TLN2: variants seen among roughly 807,000 people sequenced by gnomAD.
The protein encoded by TLN2 is talin 2.
In TLN2, 118 loss-of-function variants were observed where a neutral mutation model predicts 294.7. That is an observed-to-expected ratio of 0.40 (90% CI 0.34 to 0.47). TLN2 has a LOEUF of 0.47. TLN2 is among the 20% of genes least tolerant of loss of function. TLN2 has a pLI of 0.84. For missense variants in TLN2, 3,083 were observed against 3,282.2 expected (o/e 0.94, Z 1.48); for synonymous variants, 1,431 against 1,304.5 (o/e 1.10, Z -2.09).
intron 43 of TLN2, among the ~76,000 whole-genome samples, chr15:62,779,738 T>C (rs976006880): frequency 6.6e-6 from 1 of 152,234 alleles, no homozygotes; most frequent in African/African-American, 2.4e-5. Flanking sequence ...TCAGTCTCCT[T>C]TGACTAGCAG....
Position 62,673,821 on chromosome 15 carries a change from T to C in TLN2, c.789-6T>C, listed in dbSNP as rs2055797096. On this transcript the variant is annotated splice_region_variant and splice_polypyrimidine_tract_variant and intron_variant, in intron 9 of 58. Transcript: ENST00000636159. ...TGCCTTTCCTTTTTAAATGTCTCTC[T>C]CTTAGTCTGAAGGAATTCCTGCCCA... 1.2e-6 allele frequency: 2 copies of C among 1,611,704 alleles called. No individual in the cohort carries two copies. Among genetic ancestry groups the C allele is most frequent in the Admixed American group, 3.3e-5 (2 of 59,886 alleles).
chr15:62,411,428 G>GGTGTGT (rs1566950989), intron 1 of TLN2, among the ~76,000 whole-genome samples: 2 of 71,832 alleles, frequency 2.8e-5, no homozygotes, highest in South Asian at 4.8e-4. Context: ...GTGAGTAATG[G>GGTGTGT]ATGTGTGTGT....
intron 3 of TLN2, chr15:62,638,262 A>C: frequency 3.1e-6 from 1 of 320,760 alleles, no homozygotes; most frequent in Non-Finnish European, 6.1e-6. Context: ...ATTTCCTCTT[A>C]ATTAGGCATC....
chr15:62,711,612 G>A (rs1025128870), intron 21 of TLN2, among the ~76,000 whole-genome samples: 12 of 152,196 alleles, frequency 7.9e-5, no homozygotes, highest in African/African-American at 2.4e-4. Flanking sequence ...CTAAATCCAC[G>A]TAATTTTGTT....
intron 1 of TLN2, among the ~76,000 whole-genome samples, chr15:62,525,939 T>A (rs541389691): frequency 1.3e-5 from 2 of 152,276 alleles, no homozygotes; most frequent in South Asian, 4.1e-4. Flanking sequence ...TGAGAACTGC[T>A]GCAAGGGAAG....
chr15:62,674,684 TAG>T (rs140785978), intron 10 of TLN2, among the ~76,000 whole-genome samples: 2,431 of 152,050 alleles, frequency 0.016, 64 homozygotes, highest in African/African-American at 0.055. Context: ...GTTTTTTCAG[TAG>T]AGAGGGGGTT....
At chr15:62,613,178 G>A (rs1316918835) in intron 2 of TLN2, among the ~76,000 whole-genome samples, 2 of 152,194 alleles carry the variant, frequency 1.3e-5, no homozygotes, top group African/African-American at 4.8e-5. Flanking sequence ...TGGGCTTGTT[G>A]TAGGGTATTT....
At position 62,707,248 on chromosome 15, in the gene TLN2, G is replaced by A. The variant is rs147061927; in HGVS notation, c.2167G>A (p.Ala723Thr). 4.2e-5 allele frequency: 68 copies of A among 1,605,902 alleles called. No individual in the cohort carries two copies. In the African/African-American group the frequency reaches 7.2e-4, roughly 17 times the overall value. The change falls in exon 20 of 59, where the codon GCC becomes ACC. Residue 723 changes from alanine (A) to threonine (T), a missense_variant. Coordinates refer to ENST00000636159, the MANE Select transcript of TLN2 (RefSeq NM_015059.3). ...ALSTSQLVAC[A>T]KVVSPTISSP... is the part of the protein sequence containing the mutation. ...CTCCACCTCCCAGCTTGTGGCATGT[G>A]CCAAGGTAAGCCAGCTGGCACCCCA...
intron 48 of TLN2, among the ~76,000 whole-genome samples, chr15:62,799,693 A>C (rs1796028896): frequency 6.6e-6 from 1 of 152,246 alleles, no homozygotes; most frequent in Admixed American, 6.5e-5. Context: ...AATAAATGAT[A>C]AAATAATTCC....
chr15:62,540,499 G>A (rs138983787), intron 1 of TLN2, among the ~76,000 whole-genome samples: 55 of 151,966 alleles, frequency 3.6e-4, no homozygotes, highest in African/African-American at 1.2e-3. Flanking sequence ...ATATGGACAA[G>A]CAGCCCTTTC....
intron 4 of TLN2, 139 bp from the exon 5 acceptor site, chr15:62,649,945 G>T: frequency 1.3e-6 from 1 of 778,278 alleles, no homozygotes; most frequent in Non-Finnish European, 2.1e-6. Context: ...ATGGCTGCTT[G>T]TGTTGTCAAA....
At chr15:62,460,552 C>T (rs1353643511) in intron 1 of TLN2, among the ~76,000 whole-genome samples, 4 of 152,142 alleles carry the variant, frequency 2.6e-5, no homozygotes, top group African/African-American at 4.8e-5. Flanking sequence ...TGTGAGCCAC[C>T]GTGCCCGGCA....
At position 62,708,001 on chromosome 15, in the gene TLN2, C is replaced by T. The variant is rs530217491; in HGVS notation, c.2173-501C>T. ...TAGCCTGTGGTAAGATTTGCAGCAT[C>T]GTCTCCCTCAAGCTTTCATTGTCCA... On this transcript the variant is annotated intron_variant, in intron 20 of 58. Transcript: ENST00000636159. 1.6e-3 allele frequency among the ~76,000 whole-genome samples: 249 copies of T among 152,118 alleles called. 1 individual carries two copies. Among genetic ancestry groups the T allele is most frequent in the African/African-American group, 5.8e-3 (240 of 41,500 alleles).
chr15:62,514,153 T>C (rs938496871), intron 1 of TLN2, among the ~76,000 whole-genome samples: 1 of 152,252 alleles, frequency 6.6e-6, no homozygotes, highest in African/African-American at 2.4e-5. Flanking sequence ...ACTAGCCTAG[T>C]ATGCGAACAC....
chr15:62,573,391 G>A (rs2044086449), intron 1 of TLN2, among the ~76,000 whole-genome samples: 1 of 152,006 alleles, frequency 6.6e-6, no homozygotes, highest in Admixed American at 6.5e-5. Context: ...AGAGATGGGT[G>A]CCAGCTCACA....
rs1383766698 is a variant in TLN2 at position 62,653,216 on chromosome 15, AAG to A, written c.422_423del (p.Glu141GlyfsTer16). 6.2e-7 allele frequency: 1 copy of A among 1,611,404 alleles called. No homozygotes were observed. On this transcript the variant is annotated frameshift_variant, in exon 7 of 59. Coordinates refer to ENST00000636159, the MANE Select transcript of TLN2 (RefSeq NM_015059.3). LOFTEE classifies it high-confidence loss of function. ...ATCCAAGAAACTATTGAAGAAAAGA[AAG>A]AGGAAGGAACGGGCACACTCAAAAA...
chr15:62,839,148 TTTCACCATCCCTGAGATG>T (rs2070258919), intron 58 of TLN2, among the ~76,000 whole-genome samples, 167 bp downstream of exon 58: 1 of 152,212 alleles, frequency 6.6e-6, no homozygotes, highest in African/African-American at 2.4e-5. Context: ...TGCCTTTCTA[TTTCACCATCCCTGAGATG>T]TTACCCTTGG....
At chr15:62,553,706 C>T (rs1271053309) in intron 1 of TLN2, among the ~76,000 whole-genome samples, 1 of 152,020 alleles carries the variant, frequency 6.6e-6, no homozygotes, top group African/African-American at 2.4e-5. Flanking sequence ...ATATTAAATA[C>T]CCCTAATTTA....
chr15:62,649,879 T>G (rs530991774), intron 4 of TLN2: 6 of 526,620 alleles, frequency 1.1e-5, no homozygotes, highest in Admixed American at 3.1e-5. Context: ...GGACCTTATT[T>G]GTGGGTGTTG....
Sources: gnomAD v4.1 joint callset for allele counts (sites outside exome capture counted in the v4.1 genomes callset) on GRCh38, gnomAD v4.1.1 for gene constraint, MANE v1.5 for transcripts, NCBI Gene and HGNC (gene_info 2026-07-23, HGNC 2026-07-21) for gene names.